Variants in EPM2A observed in about 807,000 individuals in gnomAD.
EPM2A encodes the protein EPM2A glucan phosphatase, laforin.
A neutral mutation model predicts 26.5 loss-of-function variants in EPM2A; 21 were observed. The observed-to-expected ratio is 0.79, with a 90% confidence interval of 0.56 to 1.14. EPM2A has a LOEUF of 1.14. EPM2A is among the 50% of genes most tolerant of loss of function. The pLI, the probability that EPM2A is intolerant of heterozygous loss-of-function variation, is 0.00. For missense variants in EPM2A, 458 were observed against 440.8 expected, an observed-to-expected ratio of 1.04 and a Z score of -0.35; for synonymous variants, 217 against 177.6, an observed-to-expected ratio of 1.22 and a Z score of -1.76.
At chr6:145,731,194 A>G (rs1252480737) in intron 1 of EPM2A, among the ~76,000 whole-genome samples, 1 of 152,242 alleles carries the variant, frequency 6.6e-6, no homozygotes, top group Non-Finnish European at 1.5e-5. Context: ...CCCCAGCCAC[A>G]CACCCTGAGC....
intron 4 of EPM2A, among the ~76,000 whole-genome samples, chr6:145,390,045 A>G (rs1778316507): frequency 6.6e-6 from 1 of 152,214 alleles, no homozygotes; most frequent in African/African-American, 2.4e-5. Flanking sequence ...AGAGAGAGAC[A>G]CAGAGAGCAA....
At chr6:145,495,273 G>C (rs908816276) in intron 4 of EPM2A, among the ~76,000 whole-genome samples, 3 of 150,100 alleles carry the variant, frequency 2.0e-5, no homozygotes, top group Non-Finnish European at 3.0e-5. Flanking sequence ...TTGATTTAGA[G>C]TCTGTTTTGT....
chr6:145,604,909 TGA>T (rs1314168727), intron 2 of EPM2A, among the ~76,000 whole-genome samples: 1 of 152,018 alleles, frequency 6.6e-6, no homozygotes, highest in East Asian at 1.9e-4. Flanking sequence ...CAAACAATTG[TGA>T]GAGTGAAAAA....
chr6:145,675,333 G>A (rs1485915687), intron 2 of EPM2A, among the ~76,000 whole-genome samples: 1 of 152,160 alleles, frequency 6.6e-6, no homozygotes, highest in African/African-American at 2.4e-5. Context: ...GCAAAAACAT[G>A]CCAAATAGTA....
chr6:145,727,930 C>T (rs1462213036), intron 1 of EPM2A, among the ~76,000 whole-genome samples: 1 of 152,150 alleles, frequency 6.6e-6, no homozygotes, highest in African/African-American at 2.4e-5. Flanking sequence ...GATTGAATCA[C>T]GGGGGCAGAC....
Position 145,627,400 on chromosome 6 carries a change from G to A in EPM2A, c.*16C>T, listed in dbSNP as rs758321543. ...TCCTTAGGGAAATCAGGAGGGGGCA[G>A]AAGCAGGCTGACCAGCTACAGGCTA... On this transcript the variant is annotated 3_prime_UTR_variant, in exon 4 of 4. Transcript: ENST00000367519. 6.2e-7 allele frequency: 1 copy of A among 1,613,936 alleles called. No homozygotes were observed. Among genetic ancestry groups the A allele is most frequent in the African/African-American group, 1.3e-5 (1 of 75,060 alleles).
At chr6:145,543,556 C>T (rs1328793661) in intron 2 of EPM2A, among the ~76,000 whole-genome samples, 1 of 152,086 alleles carries the variant, frequency 6.6e-6, no homozygotes, top group Non-Finnish European at 1.5e-5. Flanking sequence ...TTCCAAATCA[C>T]CTGCTTTTTC....
At chr6:145,667,606 C>T (rs1424520360) in intron 2 of EPM2A, among the ~76,000 whole-genome samples, 13 of 151,154 alleles carry the variant, frequency 8.6e-5, no homozygotes, top group African/African-American at 3.0e-4. Context: ...GTCAGTGTGG[C>T]GATTCCTCAG....
intron 4 of EPM2A, among the ~76,000 whole-genome samples, chr6:145,445,861 G>A (rs187507244): frequency 1.3e-5 from 2 of 152,136 alleles, no homozygotes; most frequent in East Asian, 3.9e-4. Context: ...CCTTCAATCT[G>A]GTTTATGCTT....
intron 4 of EPM2A, among the ~76,000 whole-genome samples, chr6:145,411,095 ATTAT>A (rs1778637081): frequency 6.6e-6 from 1 of 152,276 alleles, no homozygotes; most frequent in African/African-American, 2.4e-5. Flanking sequence ...GAGTCTGATG[ATTAT>A]TTATATTTCC....
At chr6:145,441,679 C>T (rs1487856651) in intron 4 of EPM2A, among the ~76,000 whole-genome samples, 1 of 151,950 alleles carries the variant, frequency 6.6e-6, no homozygotes, top group East Asian at 1.9e-4. Flanking sequence ...GCCTGGTCAA[C>T]AGTAAAACCC....
In EPM2A at chr6:145,490,459, C is replaced by A. The variant is rs139065215; in HGVS notation, c.555+12063G>T. The A allele has an allele frequency of 4.2e-4, 305 of 728,614 alleles. 2 individuals carry two copies. The African/African-American group carries it at 4.6e-3, about 11-fold the overall frequency. 45.1% of individuals were successfully genotyped at this position (728,614 alleles called of 1,614,324 possible). A position where few individuals can be genotyped will look rare whatever the true frequency, so the allele number is the denominator to read the frequency against. Reference sequence around the variant, plus strand: ...ATTTGGACATTCAAAAGGTTTTTCACCTGTATGTTTTCTAAGATGTTCTTT... The same window carrying A: ...ATTTGGACATTCAAAAGGTTTTTCAACTGTATGTTTTCTAAGATGTTCTTT... On this transcript the variant is annotated intron_variant, in intron 4 of 4. Coordinates refer to the EPM2A transcript ENST00000638717.
intron 2 of EPM2A, among the ~76,000 whole-genome samples, chr6:145,683,481 T>G (rs1195689484): frequency 3.3e-5 from 5 of 151,892 alleles, no homozygotes; most frequent in Non-Finnish European, 7.4e-5. Flanking sequence ...ACCTGAGAAT[T>G]CAGTAGGATA....
At chr6:145,550,024 C>T (rs1180363309) in intron 2 of EPM2A, among the ~76,000 whole-genome samples, 2 of 151,998 alleles carry the variant, frequency 1.3e-5, no homozygotes, top group Non-Finnish European at 1.5e-5. Flanking sequence ...CCAGTAGAAC[C>T]GAAAGTTCAT....
intron 4 of EPM2A, among the ~76,000 whole-genome samples, chr6:145,415,001 G>C (rs1008587032): frequency 1.3e-5 from 2 of 151,984 alleles, no homozygotes; most frequent in Non-Finnish European, 2.9e-5. Flanking sequence ...CCTGTTTCTT[G>C]TTCACTCTAC....
intron 4 of EPM2A, among the ~76,000 whole-genome samples, chr6:145,405,019 A>G (rs1778547384): frequency 6.6e-6 from 1 of 152,182 alleles, no homozygotes; most frequent in Admixed American, 6.6e-5. Context: ...CATCTTGAAC[A>G]CTGTACTTCC....
At chr6:145,410,519 G>C (rs1778630055) in intron 4 of EPM2A, among the ~76,000 whole-genome samples, 1 of 152,138 alleles carries the variant, frequency 6.6e-6, no homozygotes, top group Admixed American at 6.5e-5. Flanking sequence ...AAATTTGAAG[G>C]GATAAAGACC....
At chr6:145,454,786 G>C (rs1392198107) in intron 4 of EPM2A, among the ~76,000 whole-genome samples, 2 of 152,182 alleles carry the variant, frequency 1.3e-5, no homozygotes, top group East Asian at 3.9e-4. Context: ...TGTTTTTTCA[G>C]AACACATGGA....
chr6:145,531,685 T>C (rs556050435), intron 2 of EPM2A, among the ~76,000 whole-genome samples: 52 of 152,152 alleles, frequency 3.4e-4, no homozygotes, highest in African/African-American at 1.2e-3. Flanking sequence ...GTACCATAAA[T>C]GAAGGAACTG....
Sources: gnomAD v4.1 joint callset for allele counts (sites outside exome capture counted in the v4.1 genomes callset) on GRCh38, gnomAD v4.1.1 for gene constraint, MANE v1.5 for transcripts, NCBI Gene and HGNC (gene_info 2026-07-23, HGNC 2026-07-21) for gene names.